Variants in AIG1 observed in about 807,000 individuals in gnomAD.
AIG1 encodes androgen induced 1, also known as androgen-induced gene 1 protein.
In AIG1, 23 loss-of-function variants were observed where a neutral mutation model predicts 31.4. That is an observed-to-expected ratio of 0.73 (90% CI 0.53 to 1.04). The LOEUF (loss-of-function observed/expected upper bound fraction) is 1.04, where lower values mean the gene tolerates loss of function less well. Among genes scored for constraint, AIG1 ranks in the 50% least tolerant of loss-of-function variants. The pLI, the probability that AIG1 is intolerant of heterozygous loss-of-function variation, is 0.00. For missense variants in AIG1, 274 were observed against 295.0 expected (o/e 0.93, Z 0.52); for synonymous variants, 100 against 110.5 (o/e 0.90, Z 0.60).
intron 3 of AIG1, among the ~76,000 whole-genome samples, chr6:143,210,582 C>T (rs1317146230): frequency 6.6e-6 from 1 of 152,032 alleles, no homozygotes; most frequent in South Asian, 2.1e-4. Context: ...TTGAAAGAGC[C>T]CTGTGATGCT....
At chr6:143,303,720 G>A (rs1316515309) in intron 4 of AIG1, among the ~76,000 whole-genome samples, 2 of 149,050 alleles carry the variant, frequency 1.3e-5, no homozygotes, top group African/African-American at 5.0e-5. Flanking sequence ...CTCTTTTTTG[G>A]TTCCATATGA....
rs375891911 is a variant in AIG1, at chr6:143,086,966, G to A, written c.141+25900G>A. On this transcript the variant is annotated intron_variant, in intron 1 of 5. Transcript: ENST00000357847. ...CTTCCCCCAGAAAAATTGTGAAAGC[G>A]GAAGCTGGTTCCAGGCAGACCAACG... is the stretch of plus-strand genomic sequence containing the variant. Among the ~76,000 whole-genome samples, 16 of 152,290 alleles carry A rather than the reference G, an allele frequency of 1.1e-4. No individual in the cohort carries two copies. In the East Asian group the frequency reaches 1.7e-3, roughly 17 times the overall value.
intron 1 of AIG1, among the ~76,000 whole-genome samples, chr6:143,135,558 A>T (rs545844003): frequency 1.3e-5 from 2 of 152,216 alleles, no homozygotes; most frequent in African/African-American, 4.8e-5. Flanking sequence ...ACCTTAAGTC[A>T]CTGAAGCTAA....
At chr6:143,163,552 C>G (rs1250833283) in intron 2 of AIG1, among the ~76,000 whole-genome samples, 4 of 152,194 alleles carry the variant, frequency 2.6e-5, no homozygotes, top group Non-Finnish European at 5.9e-5. Context: ...GGAAAACATC[C>G]TGGTTGGTTC....
intron 1 of AIG1, among the ~76,000 whole-genome samples, chr6:143,072,720 A>G (rs182111325): frequency 7.2e-5 from 11 of 152,200 alleles, no homozygotes; most frequent in Admixed American, 2.0e-4. Context: ...GTTTTTCTTG[A>G]CTTTTTTCCA....
In AIG1 at chr6:143,079,786, T is replaced by C. The variant is rs1778051720; in HGVS notation, c.141+18720T>C. On this transcript the variant is annotated intron_variant, in intron 1 of 5. Coordinates refer to ENST00000357847, the MANE Select transcript of AIG1 (RefSeq NM_016108.4). Reference sequence around the variant, plus strand: ...TTTTCTTAGGATAGATTCCTTTTTTTTTTTTTTTTTTTTTTGCAGTTGCAA... The same window carrying C: ...TTTTCTTAGGATAGATTCCTTTTTTCTTTTTTTTTTTTTTTGCAGTTGCAA... 2.0e-5 allele frequency among the ~76,000 whole-genome samples: 3 copies of C among 147,878 alleles called. No individual in the cohort carries two copies. The South Asian group carries it at 6.4e-4, about 32-fold the overall frequency.
chr6:143,216,722 C>T (rs539746705), intron 3 of AIG1, among the ~76,000 whole-genome samples: 3 of 152,280 alleles, frequency 2.0e-5, no homozygotes, highest in Admixed American at 6.5e-5. Flanking sequence ...ATAGCTGGAA[C>T]TTTGTATTGA....
At chr6:143,233,513 C>T (rs942668924) in intron 3 of AIG1, among the ~76,000 whole-genome samples, 1 of 150,970 alleles carries the variant, frequency 6.6e-6, no homozygotes, top group African/African-American at 2.4e-5. Context: ...AACCAGAGAG[C>T]CCCCAAACCA....
At chr6:143,095,752 G>A (rs924293958) in intron 1 of AIG1, among the ~76,000 whole-genome samples, 5 of 151,648 alleles carry the variant, frequency 3.3e-5, no homozygotes, top group Admixed American at 2.0e-4. Context: ...CTTTATTACT[G>A]CATTTTAATT....
intron 1 of AIG1, among the ~76,000 whole-genome samples, chr6:143,127,210 T>C (rs962414053): frequency 6.6e-6 from 1 of 152,334 alleles, no homozygotes; most frequent in Admixed American, 6.5e-5. Flanking sequence ...TATCCTCATA[T>C]GGGGACTCTT....
rs1291264032 is a variant in AIG1 at position 143,339,639 on chromosome 6, G to A, written c.680G>A (p.Ser227Asn). 6.2e-7 allele frequency: 1 copy of A among 1,613,052 alleles called. No homozygotes were observed. ...TAAAACACTTTGCCTGTATTTCTAG[G>A]TATGGAAGAAGAGAAAGAAAAGCCT... ...LNNYIWDTQK[S>N]MEEEKEKPKL... Residue 227 changes from serine (S) to asparagine (N), a missense_variant and splice_region_variant, in exon 6 of 6, where the codon AGT becomes AAT. Coordinates refer to ENST00000357847, the MANE Select transcript of AIG1 (RefSeq NM_016108.4).
At chr6:143,139,603 T>A (rs1187877961) in intron 2 of AIG1, among the ~76,000 whole-genome samples, 1 of 152,190 alleles carries the variant, frequency 6.6e-6, no homozygotes, top group Non-Finnish European at 1.5e-5. Context: ...ACTGTTCCCT[T>A]CATAGTTACT....
intron 3 of AIG1, among the ~76,000 whole-genome samples, chr6:143,221,862 G>A (rs1317557352): frequency 2.0e-5 from 3 of 152,178 alleles, no homozygotes; most frequent in Non-Finnish European, 2.9e-5. Context: ...GAACAGATCA[G>A]TATTTTTGGA....
At chr6:143,337,870 T>A in intron 5 of AIG1, 1 of 398,148 alleles carries the variant, frequency 2.5e-6, no homozygotes, top group Non-Finnish European at 4.4e-6. Flanking sequence ...AAGTGTATCC[T>A]GCCTTCGCTT....
chr6:143,129,286 G>A (rs184126277), intron 1 of AIG1, among the ~76,000 whole-genome samples: 13 of 152,070 alleles, frequency 8.5e-5, no homozygotes, highest in East Asian at 3.9e-4. Context: ...GTGAGACTCC[G>A]TCTCAAAAAA....
At chr6:143,310,125 C>T (rs563751467) in intron 4 of AIG1, among the ~76,000 whole-genome samples, 1 of 151,884 alleles carries the variant, frequency 6.6e-6, no homozygotes, top group African/African-American at 2.4e-5. Context: ...TTGACCTGAA[C>T]AACCATCAAT....
chr6:143,237,458 A>G (rs759299313), intron 3 of AIG1, among the ~76,000 whole-genome samples: 3 of 152,232 alleles, frequency 2.0e-5, no homozygotes, highest in South Asian at 2.1e-4. Flanking sequence ...GACTGGGGCT[A>G]TGAAGTCAAG....
At chr6:143,136,811 A>G (rs778249185) in intron 1 of AIG1, 24 bp from the exon 2 acceptor site, 4 of 1,350,464 alleles carry the variant, frequency 3.0e-6, no homozygotes, top group Non-Finnish European at 3.9e-6. Context: ...TTAATGACTC[A>G]TACCGGCTGT....
At chr6:143,120,318 G>A (rs1201062924) in intron 1 of AIG1, among the ~76,000 whole-genome samples, 1 of 152,190 alleles carries the variant, frequency 6.6e-6, no homozygotes, top group Non-Finnish European at 1.5e-5. Flanking sequence ...TAAGTTGGCA[G>A]AATTTGATGA....
Sources: gnomAD v4.1 joint callset for allele counts (sites outside exome capture counted in the v4.1 genomes callset) on GRCh38, gnomAD v4.1.1 for gene constraint, MANE v1.5 for transcripts, NCBI Gene and HGNC (gene_info 2026-07-23, HGNC 2026-07-21) for gene names.